The following SNX9 variants were observed in gnomAD, a reference collection of about 807,000 sequenced individuals.
SNX9 encodes sorting nexin 9.
SNX9 carries 44 observed loss-of-function variants against 89.4 expected under a neutral mutation model. The ratio of observed to expected loss-of-function variants is 0.49; its 90% CI spans 0.39 to 0.63. SNX9 has a LOEUF of 0.63. Among genes scored for constraint, SNX9 ranks in the 30% least tolerant of loss-of-function variants. The pLI, the probability that SNX9 is intolerant of heterozygous loss-of-function variation, is 0.00. For missense variants in SNX9, 578 were observed against 736.1 expected (o/e 0.79, Z 2.49); for synonymous variants, 236 against 247.8 (o/e 0.95, Z 0.45).
chr6:157,942,512 G>A (rs937114486), intron 17 of SNX9, among the ~76,000 whole-genome samples: 2 of 152,256 alleles, frequency 1.3e-5, no homozygotes, highest in Admixed American at 6.5e-5. Context: ...AGGAAAAGCA[G>A]GTGGTCTGGA....
intron 1 of SNX9, among the ~76,000 whole-genome samples, chr6:157,854,918 T>G (rs1008290821): frequency 1.7e-4 from 26 of 151,406 alleles, no homozygotes; most frequent in Non-Finnish European, 3.7e-4. Flanking sequence ...GTGCTTTAAA[T>G]TTTTAATTTT....
chr6:157,916,293 C>G (rs943076449), intron 9 of SNX9, among the ~76,000 whole-genome samples: 1 of 152,208 alleles, frequency 6.6e-6, no homozygotes, highest in African/African-American at 2.4e-5. Context: ...CTCGGCCTCC[C>G]AAAGTGCTGG....
intron 5 of SNX9, among the ~76,000 whole-genome samples, chr6:157,899,918 T>C (rs572454540): frequency 2.8e-4 from 41 of 147,232 alleles, no homozygotes; most frequent in African/African-American, 9.7e-4. Flanking sequence ...CGTGTATATG[T>C]GCAAGTGCGT....
chr6:157,864,998 G>A (rs1782227887), intron 1 of SNX9, among the ~76,000 whole-genome samples: 1 of 150,084 alleles, frequency 6.7e-6, no homozygotes, highest in East Asian at 2.0e-4. Context: ...CTGCACTTTA[G>A]CCTGGCGACA....
rs1430823622 is a variant in SNX9 at position 157,914,468 on chromosome 6, TC to T, written c.949+4444del. On this transcript the variant is annotated intron_variant, in intron 9 of 17. Coordinates refer to ENST00000392185, the MANE Select transcript of SNX9 (RefSeq NM_016224.5). The stretch of plus-strand genomic sequence containing the variant: ...GTGGCTTGGCTTGTCATTTTCTTTT[TC>T]TTTTTTTTTTTTTTTTTTTTTTTGG... Among the ~76,000 whole-genome samples the T allele has an allele frequency of 1.3e-3, 162 of 121,248 alleles. 1 individual carries two copies. The highest frequency in any genetic ancestry group is 4.4e-3 in the African/African-American group (134 of 30,378). 79.5% of individuals were successfully genotyped at this position (121,248 alleles called of 152,430 possible). A position where few individuals can be genotyped will look rare whatever the true frequency, so the allele number is the denominator to read the frequency against.
At chr6:157,889,905 A>C (rs543135022) in intron 4 of SNX9, among the ~76,000 whole-genome samples, 2 of 152,314 alleles carry the variant, frequency 1.3e-5, no homozygotes, top group South Asian at 4.1e-4. Flanking sequence ...TGTGGGCTAG[A>C]TGCTTTGTAT....
intron 9 of SNX9, among the ~76,000 whole-genome samples, chr6:157,915,623 T>TAAAAAA (rs1172699831): frequency 8.4e-5 from 6 of 71,294 alleles, no homozygotes; most frequent in Non-Finnish European, 1.3e-4. Context: ...CCATCTCTAC[T>TAAAAAA]AAAAAAAAAA....
rs111773179 is a variant in SNX9 at position 157,923,971 on chromosome 6, G to A, written c.1080+2310G>A. ...TAAAACATGTCCCAGGCTGGGTGTGGCGGATCACTTGAGGTCAAGAGTTCG... is the reference window on the plus strand; with the variant it reads ...TAAAACATGTCCCAGGCTGGGTGTGACGGATCACTTGAGGTCAAGAGTTCG... On this transcript the variant is annotated intron_variant, in intron 10 of 17. Transcript: ENST00000392185. Among the ~76,000 whole-genome samples, 458 of 152,268 alleles carry A rather than the reference G, an allele frequency of 3.0e-3. 4 individuals are homozygous for A. The highest frequency in any genetic ancestry group is 9.7e-3 in the African/African-American group (404 of 41,550).
At chr6:157,928,910 A>C (rs988180316) in intron 12 of SNX9, among the ~76,000 whole-genome samples, 1 of 152,282 alleles carries the variant, frequency 6.6e-6, no homozygotes, top group African/African-American at 2.4e-5. Flanking sequence ...AAGAAATCTC[A>C]TAGGGAACAC....
At chr6:157,925,024 C>T (rs1583240929) in intron 10 of SNX9, among the ~76,000 whole-genome samples, 1 of 152,266 alleles carries the variant, frequency 6.6e-6, no homozygotes, top group East Asian at 1.9e-4. Context: ...ATGAAAAAGA[C>T]TATGCAGGAA....
chr6:157,918,231 G>A (rs1189468501), intron 9 of SNX9, among the ~76,000 whole-genome samples: 1 of 152,024 alleles, frequency 6.6e-6, no homozygotes, highest in Non-Finnish European at 1.5e-5. Flanking sequence ...ATGATTAGTG[G>A]ACTATCTCTC....
At chr6:157,887,542 C>T (rs1782761518) in intron 4 of SNX9, among the ~76,000 whole-genome samples, 3 of 152,138 alleles carry the variant, frequency 2.0e-5, no homozygotes, top group African/African-American at 7.2e-5. Flanking sequence ...ATGCCTGCTC[C>T]GTGTCCTGGA....
intron 1 of SNX9, among the ~76,000 whole-genome samples, chr6:157,838,033 T>C (rs2115110751): frequency 6.6e-6 from 1 of 152,314 alleles, no homozygotes; most frequent in Non-Finnish European, 1.5e-5. Flanking sequence ...TTTTGTTTGT[T>C]TTTTTGAGAC....
At chr6:157,865,359 A>AC (rs35655578) in intron 1 of SNX9, among the ~76,000 whole-genome samples, 2 of 151,522 alleles carry the variant, frequency 1.3e-5, no homozygotes, top group Non-Finnish European at 2.9e-5. Context: ...AAAAAAAAAA[A>AC]CACCACATAA....
intron 2 of SNX9, among the ~76,000 whole-genome samples, chr6:157,867,905 T>G (rs748327685): frequency 1.3e-5 from 2 of 152,232 alleles, no homozygotes; most frequent in South Asian, 2.1e-4. Flanking sequence ...GTCTGCTTAT[T>G]TTGTATCTTC....
Position 157,936,041 on chromosome 6 carries a change from G to C in SNX9, c.1443+1G>C. ...AATTGCCAGTCTCGTGGCAGAACAGGTACTAACATAATCACACAATTCCAA... is the reference window on the plus strand; with the variant it reads ...AATTGCCAGTCTCGTGGCAGAACAGCTACTAACATAATCACACAATTCCAA... On this transcript the variant is annotated splice_donor_variant, in intron 14 of 17. Coordinates refer to ENST00000392185, the MANE Select transcript of SNX9 (RefSeq NM_016224.5). LOFTEE classifies it high-confidence loss of function. The C allele has an allele frequency of 6.2e-7, 1 of 1,607,796 alleles. No individual in the cohort carries two copies. The highest frequency in any genetic ancestry group is 8.5e-7 in the Non-Finnish European group (1 of 1,176,528).
At chr6:157,858,121 C>G (rs1782048144) in intron 1 of SNX9, among the ~76,000 whole-genome samples, 2 of 152,168 alleles carry the variant, frequency 1.3e-5, no homozygotes, top group Admixed American at 1.3e-4. Flanking sequence ...ATCCTGGCAG[C>G]AAGAGATGGC....
chr6:157,937,496 C>T lies in SNX9; in HGVS notation c.1506C>T (p.Cys502=), dbSNP rs1447997528. Residue 502 remains cysteine (C), a synonymous_variant, in exon 15 of 18, where the codon TGC becomes TGT. Coordinates refer to ENST00000392185, the MANE Select transcript of SNX9 (RefSeq NM_016224.5). Reference sequence around the variant, plus strand: ...ACGAGTATAAAGGTTTTCTTGGCTGCTTCCCTGACATCATTGGCACTCACA... The same window carrying T: ...ACGAGTATAAAGGTTTTCTTGGCTGTTTCCCTGACATCATTGGCACTCACA... The part of the protein sequence containing the change: ...CNHEYKGFLG[C]FPDIIGTHKG... 1.2e-6 allele frequency: 2 copies of T among 1,613,898 alleles called. No homozygotes were observed. Among genetic ancestry groups the T allele is most frequent in the Middle Eastern group, 1.7e-4 (1 of 6,060 alleles).
At chr6:157,878,051 G>A (rs1298169819) in intron 4 of SNX9, among the ~76,000 whole-genome samples, 1 of 152,170 alleles carries the variant, frequency 6.6e-6, no homozygotes, top group Non-Finnish European at 1.5e-5. Context: ...AACCTACTAT[G>A]TAAGATAGCA....
Sources: allele counts gnomAD v4.1 joint callset (sites outside exome capture counted in the v4.1 genomes callset), GRCh38; gene constraint gnomAD v4.1.1; transcripts MANE v1.5; gene names NCBI Gene and HGNC (gene_info 2026-07-23, HGNC 2026-07-21).